SDK1: variants seen among roughly 807,000 people sequenced by gnomAD.
SDK1 encodes the protein protein sidekick-1.
Under a neutral mutation model 245.5 loss-of-function variants are expected in SDK1, and 157 were observed. The ratio of observed to expected loss-of-function variants is 0.64; its 90% CI spans 0.56 to 0.73. The LOEUF (loss-of-function observed/expected upper bound fraction) is 0.73. Ranked by LOEUF, SDK1 falls within the 30% of genes least tolerant of loss-of-function variation. The probability of loss-of-function intolerance (pLI) is 0.00; values close to 1 mark genes in which losing one functional copy is unlikely to be tolerated. For synonymous variants in SDK1, 1,647 were observed against 1,278.5 expected, an observed-to-expected ratio of 1.29 and a Z score of -6.15; for missense variants, 3,583 against 3,002.3, an observed-to-expected ratio of 1.19 and a Z score of -4.52.
At chr7:4,040,390 A>G (rs1394466495) in intron 17 of SDK1, among the ~76,000 whole-genome samples, 1 of 152,078 alleles carries the variant, frequency 6.6e-6, no homozygotes, top group Non-Finnish European at 1.5e-5. Flanking sequence ...CTCACAACCT[A>G]CTTACACACA....
At chr7:4,139,029 A>G (rs565217940) in intron 28 of SDK1, among the ~76,000 whole-genome samples, 5 of 152,356 alleles carry the variant, frequency 3.3e-5, no homozygotes, top group African/African-American at 1.2e-4. Flanking sequence ...GCTGAGAGGC[A>G]GTGGGCGCAC....
At chr7:3,934,184 T>C (rs971535274) in intron 5 of SDK1, among the ~76,000 whole-genome samples, 1 of 152,262 alleles carries the variant, frequency 6.6e-6, no homozygotes, top group Non-Finnish European at 1.5e-5. Context: ...TCTAAAGATC[T>C]TCCTTGTATT....
intron 25 of SDK1, among the ~76,000 whole-genome samples, chr7:4,125,055 TG>T (rs1784294416): frequency 6.7e-6 from 1 of 148,300 alleles, no homozygotes; most frequent in Non-Finnish European, 1.5e-5. Context: ...GATGGATGGA[TG>T]GGTAATGGGT....
intron 1 of SDK1, among the ~76,000 whole-genome samples, chr7:3,436,391 C>G (rs1780021963): frequency 6.6e-6 from 1 of 152,018 alleles, no homozygotes; most frequent in Admixed American, 6.6e-5. Flanking sequence ...AAACCTAATT[C>G]AATACATTTT....
At position 3,487,870 on chromosome 7, in the gene SDK1, G is replaced by A. The variant is rs185401004; in HGVS notation, c.299-131210G>A. 9.9e-5 allele frequency among the ~76,000 whole-genome samples: 15 copies of A among 152,162 alleles called. No individual in the cohort carries two copies. In the East Asian group the frequency reaches 2.9e-3, roughly 29 times the overall value. ...TTACAAGCGGAGGGTGTTGAGCAAGGCAGGTTCCTTTGGGGGTTGATAATG... is the reference window on the plus strand; with the variant it reads ...TTACAAGCGGAGGGTGTTGAGCAAGACAGGTTCCTTTGGGGGTTGATAATG... On this transcript the variant is annotated intron_variant, in intron 1 of 44. Transcript: ENST00000404826.
intron 5 of SDK1, among the ~76,000 whole-genome samples, chr7:3,947,570 A>G (rs934972479): frequency 3.9e-4 from 40 of 103,166 alleles, no homozygotes; most frequent in South Asian, 9.6e-4. Flanking sequence ...GTGTGTGTGT[A>G]TTTTTTTGTA....
chr7:4,011,428 G>A (rs189299559), intron 15 of SDK1, among the ~76,000 whole-genome samples: 16 of 152,156 alleles, frequency 1.1e-4, no homozygotes, highest in Non-Finnish European at 1.8e-4. Context: ...CATGTTTTCC[G>A]TGTTCTTTGT....
chr7:3,946,616 C>T (rs77054312), intron 5 of SDK1, among the ~76,000 whole-genome samples: 1 of 152,040 alleles, frequency 6.6e-6, no homozygotes, highest in Non-Finnish European at 1.5e-5. Flanking sequence ...TAAGCCTGGC[C>T]AAAAATCATT....
At chr7:4,200,746 C>G (rs1376264577) in intron 35 of SDK1, among the ~76,000 whole-genome samples, 1 of 152,216 alleles carries the variant, frequency 6.6e-6, no homozygotes, top group Non-Finnish European at 1.5e-5. Flanking sequence ...ACAGCAGTGC[C>G]ACATTCTAGT....
chr7:3,556,085 G>T lies in SDK1; in HGVS notation c.299-62995G>T, dbSNP rs559915173. Among the ~76,000 whole-genome samples, 8 of 152,278 alleles carry T rather than the reference G, an allele frequency of 5.3e-5. No homozygotes were observed. In the East Asian group the frequency reaches 1.3e-3, roughly 26 times the overall value. Reference sequence around the variant, plus strand: ...TGTTAGGTATATATGCCAAAGAAAGGAATCAGTATACCGAAGAGGTATCTG... The same window carrying T: ...TGTTAGGTATATATGCCAAAGAAAGTAATCAGTATACCGAAGAGGTATCTG... On this transcript the variant is annotated intron_variant, in intron 1 of 44. Coordinates refer to ENST00000404826, the MANE Select transcript of SDK1 (RefSeq NM_152744.4).
At chr7:3,542,637 A>C (rs1779087899) in intron 1 of SDK1, among the ~76,000 whole-genome samples, 1 of 152,216 alleles carries the variant, frequency 6.6e-6, no homozygotes, top group African/African-American at 2.4e-5. Context: ...ATGTTTTAAA[A>C]TGTTAAAAAT....
intron 1 of SDK1, among the ~76,000 whole-genome samples, chr7:3,313,533 A>G (rs1779598010): frequency 6.6e-6 from 1 of 152,222 alleles, no homozygotes; most frequent in South Asian, 2.1e-4. Context: ...GTAAAGTGCT[A>G]AATGATAGGA....
intron 4 of SDK1, among the ~76,000 whole-genome samples, chr7:3,763,507 C>T (rs1379151212): frequency 6.6e-6 from 1 of 152,164 alleles, no homozygotes; most frequent in Non-Finnish European, 1.5e-5. Context: ...TTATTTGATA[C>T]ATTTCAAAGC....
intron 1 of SDK1, among the ~76,000 whole-genome samples, chr7:3,565,369 C>T (rs952948679): frequency 2.6e-5 from 4 of 152,164 alleles, no homozygotes; most frequent in African/African-American, 9.7e-5. Flanking sequence ...GAGAGATGCA[C>T]TATAAAGTAT....
intron 12 of SDK1, among the ~76,000 whole-genome samples, chr7:3,973,874 C>A (rs371432856): frequency 5.9e-5 from 9 of 151,996 alleles, no homozygotes; most frequent in Admixed American, 3.9e-4. Flanking sequence ...TGGTTTAATT[C>A]ATATGCCATA....
intron 22 of SDK1, among the ~76,000 whole-genome samples, chr7:4,109,181 C>T (rs1387397301): frequency 6.6e-6 from 1 of 152,140 alleles, no homozygotes; most frequent in Non-Finnish European, 1.5e-5. Context: ...GGGTCAGTGG[C>T]TGGGGGCGGA....
chr7:3,892,392 A>G (rs1781481549), intron 5 of SDK1, among the ~76,000 whole-genome samples: 1 of 152,124 alleles, frequency 6.6e-6, no homozygotes, highest in South Asian at 2.1e-4. Flanking sequence ...TGCTCTTCTC[A>G]TGCTGGAGGG....
At position 3,947,570 on chromosome 7, in the gene SDK1, ATT is replaced by A. The variant is rs1491181250; in HGVS notation, c.848-3347_848-3346del. On this transcript the variant is annotated intron_variant, in intron 5 of 44. Transcript: ENST00000404826. ...TGTGTGTGTGTGTGTGTGTGTGTGT[ATT>A]TTTTTGTAAACATGGGGTTTCACTA... Among the ~76,000 whole-genome samples the A allele has an allele frequency of 5.8e-5, 6 of 103,210 alleles. No individual in the cohort carries two copies. The East Asian group carries it at 7.9e-4, about 14-fold the overall frequency. The allele number at this position is 103,210 out of a possible 152,430, so 67.7% of individuals were successfully genotyped here. A position where few individuals can be genotyped will look rare whatever the true frequency, so the allele number is the denominator to read the frequency against.
intron 32 of SDK1, among the ~76,000 whole-genome samples, chr7:4,165,320 T>C (rs916023821): frequency 6.6e-6 from 1 of 151,840 alleles, no homozygotes. Flanking sequence ...GATGGCACCA[T>C]TGCACTCCAG....
Sources: allele counts gnomAD v4.1 joint callset (sites outside exome capture counted in the v4.1 genomes callset), GRCh38; gene constraint gnomAD v4.1.1; transcripts MANE v1.5; gene names NCBI Gene and HGNC (gene_info 2026-07-23, HGNC 2026-07-21).